Variants in GRXCR2 observed in about 807,000 individuals in gnomAD.
The protein encoded by GRXCR2 is glutaredoxin and cysteine rich domain containing 2, also known as glutaredoxin domain-containing cysteine-rich protein 2.
GRXCR2 carries 23 observed loss-of-function variants against 24.8 expected under a neutral mutation model. That is an observed-to-expected ratio of 0.93 (90% confidence interval 0.67 to 1.32). The LOEUF (loss-of-function observed/expected upper bound fraction) is 1.32, where lower values mean the gene tolerates loss of function less well. Ranked by LOEUF, GRXCR2 falls within the 40% of genes most tolerant of loss-of-function variation. GRXCR2 has a pLI of 0.00. For synonymous variants in GRXCR2, 130 were observed against 116.1 expected, an observed-to-expected ratio of 1.12 and a Z score of -0.77; for missense variants, 315 against 303.4, an observed-to-expected ratio of 1.04 and a Z score of -0.28.
At chr5:145,919,143 C>T (rs1430856436) in intron 2 of GRXCR2, among the ~76,000 whole-genome samples, 1 of 152,134 alleles carries the variant, frequency 6.6e-6, no homozygotes, top group East Asian at 1.9e-4. Flanking sequence ...CCCCCAGGTC[C>T]CACTCCAAAT....
intron 2 of GRXCR2, among the ~76,000 whole-genome samples, chr5:145,930,150 T>A (rs1269819162): frequency 6.6e-6 from 1 of 152,170 alleles, no homozygotes; most frequent in Non-Finnish European, 1.5e-5. Flanking sequence ...AGTGGTGCAA[T>A]CTCAGCTCAC....
At chr5:145,925,283 T>C (rs374117261) in intron 2 of GRXCR2, among the ~76,000 whole-genome samples, 2 of 152,180 alleles carry the variant, frequency 1.3e-5, no homozygotes, top group African/African-American at 4.8e-5. Context: ...AAAGATAAAC[T>C]ATAGCTAAAA....
At chr5:145,861,751 C>G (rs752373375) in intron 2 of GRXCR2, among the ~76,000 whole-genome samples, 10 of 152,160 alleles carry the variant, frequency 6.6e-5, no homozygotes, top group Non-Finnish European at 1.5e-4. Context: ...ACCAACAAGA[C>G]AGCAGGAGTC....
chr5:145,927,383 A>G (rs1342289231), intron 2 of GRXCR2, among the ~76,000 whole-genome samples: 1 of 152,142 alleles, frequency 6.6e-6, no homozygotes, highest in Non-Finnish European at 1.5e-5. Flanking sequence ...AATAGCTCTT[A>G]TTATTTTGAG....
intron 2 of GRXCR2, among the ~76,000 whole-genome samples, chr5:145,894,984 C>A (rs2451660): frequency 6.6e-6 from 1 of 151,980 alleles, no homozygotes; most frequent in African/African-American, 2.4e-5. Flanking sequence ...GTTCAACATA[C>A]GCAAATCAAT....
intron 2 of GRXCR2, among the ~76,000 whole-genome samples, chr5:145,907,098 G>A (rs1757100437): frequency 6.6e-6 from 1 of 152,136 alleles, no homozygotes; most frequent in African/African-American, 2.4e-5. Context: ...CAGGGGGTAG[G>A]TCAGATGAGA....
chr5:145,924,410 A>T (rs544757525), intron 2 of GRXCR2, among the ~76,000 whole-genome samples: 78 of 152,286 alleles, frequency 5.1e-4, no homozygotes, highest in African/African-American at 1.8e-3. Flanking sequence ...TCTCAATAAT[A>T]ATACTAATTC....
chr5:145,911,411 G>C (rs1049869882), intron 2 of GRXCR2, among the ~76,000 whole-genome samples: 1 of 152,178 alleles, frequency 6.6e-6, no homozygotes, highest in Non-Finnish European at 1.5e-5. Context: ...AGTGGAAAAG[G>C]CTCTTGCTCT....
chr5:145,861,454 C>T (rs1756337230), intron 2 of GRXCR2, among the ~76,000 whole-genome samples: 1 of 152,074 alleles, frequency 6.6e-6, no homozygotes, highest in Non-Finnish European at 1.5e-5. Flanking sequence ...CCTGCTTGTC[C>T]CCAGAAGTCA....
intron 2 of GRXCR2, among the ~76,000 whole-genome samples, chr5:145,927,780 A>C (rs1044354573): frequency 2.0e-5 from 3 of 152,130 alleles, no homozygotes; most frequent in Non-Finnish European, 4.4e-5. Flanking sequence ...TAAATGTTAG[A>C]CCTAAAACCA....
At chr5:145,881,013 A>G (rs1456651445) in intron 2 of GRXCR2, among the ~76,000 whole-genome samples, 1 of 152,248 alleles carries the variant, frequency 6.6e-6, no homozygotes, top group Non-Finnish European at 1.5e-5. Flanking sequence ...TAAACTAGGT[A>G]TGGATTGAAT....
chr5:145,910,392 C>A (rs1254977699), intron 2 of GRXCR2, among the ~76,000 whole-genome samples: 2 of 152,134 alleles, frequency 1.3e-5, no homozygotes, highest in Non-Finnish European at 2.9e-5. Flanking sequence ...AAAAAGGGAC[C>A]TTCTTGCCCA....
chr5:145,891,843 G>T lies in GRXCR2; in HGVS notation c.-69-25115C>A, dbSNP rs138545708. 6.4e-3 allele frequency among the ~76,000 whole-genome samples: 973 copies of T among 152,230 alleles called. 3 individuals are homozygous for T. The highest frequency in any genetic ancestry group is 0.011 in the Non-Finnish European group (767 of 67,996). On this transcript the variant is annotated intron_variant, in intron 2 of 3. Coordinates refer to the GRXCR2 transcript ENST00000639411. ...AAAGGACAGACTGCCTCCTCAAGTT[G>T]GTCCCTGACCCCCGAGCAGCCTAAC...
At chr5:145,910,074 A>G (rs899589604) in intron 2 of GRXCR2, among the ~76,000 whole-genome samples, 52 of 152,290 alleles carry the variant, frequency 3.4e-4, no homozygotes, top group African/African-American at 1.2e-3. Context: ...CATATTGTAC[A>G]TCGAAGTTCA....
At chr5:145,875,774 T>A (rs951396503), upstream of GRXCR2, among the ~76,000 whole-genome samples, 1 of 152,112 alleles carries the variant, frequency 6.6e-6, no homozygotes, top group Non-Finnish European at 1.5e-5. Flanking sequence ...ACACCATCAA[T>A]GAATCACAGG....
At chr5:145,898,854 T>C (rs1019224863) in intron 2 of GRXCR2, among the ~76,000 whole-genome samples, 4 of 151,400 alleles carry the variant, frequency 2.6e-5, no homozygotes, top group African/African-American at 7.3e-5. Flanking sequence ...CCCCTTGAAC[T>C]TGAAGATGTC....
chr5:145,859,607 G>A lies in GRXCR2; in HGVS notation c.*126C>T. ...GTCATCAGATAATTGAGTTTTGCCA[G>A]CAGTGGGAGTGACTGCAGCCACTGT... On this transcript the variant is annotated 3_prime_UTR_variant, in exon 3 of 3. Transcript: ENST00000377976. 1.3e-6 allele frequency: 1 copy of A among 781,102 alleles called. No homozygotes were observed. The allele number at this position is 781,102 out of a possible 1,614,324, so 48.4% of individuals were successfully genotyped here.
At chr5:145,925,527 G>T (rs10783186) in intron 2 of GRXCR2, among the ~76,000 whole-genome samples, 2 of 152,028 alleles carry the variant, frequency 1.3e-5, no homozygotes, top group East Asian at 3.9e-4. Context: ...ATTCCAAGTC[G>T]CAAGCTTTCT....
downstream of GRXCR2, chr5:145,858,393 A>C (rs1448975688): frequency 6.6e-6 from 1 of 152,024 alleles, no homozygotes; most frequent in Non-Finnish European, 1.5e-5. Context: ...AGAAGAGCCA[A>C]CAGCTGTGAG....
Sources: gnomAD v4.1 joint callset for allele counts (sites outside exome capture counted in the v4.1 genomes callset) on GRCh38, gnomAD v4.1.1 for gene constraint, MANE v1.5 for transcripts, NCBI Gene and HGNC (gene_info 2026-07-23, HGNC 2026-07-21) for gene names.